ACOXL: variants seen among roughly 807,000 people sequenced by gnomAD.
ACOXL encodes the protein acyl-coenzyme A oxidase-like protein.
In ACOXL, 70 loss-of-function variants were observed where a neutral mutation model predicts 71.9. That is an observed-to-expected ratio of 0.97 (90% CI 0.80 to 1.19). The LOEUF is 1.19. Among genes scored for constraint, ACOXL ranks in the 50% most tolerant of loss-of-function variants. The probability of loss-of-function intolerance (pLI) is 0.00; values close to 1 mark genes in which losing one functional copy is unlikely to be tolerated. For synonymous variants in ACOXL, 253 were observed against 281.6 expected, an observed-to-expected ratio of 0.90 and a Z score of 1.02; for missense variants, 703 against 736.3, an observed-to-expected ratio of 0.95 and a Z score of 0.52.
chr2:111,000,863 C>T (rs2063592296), intron 14 of ACOXL, among the ~76,000 whole-genome samples: 1 of 152,188 alleles, frequency 6.6e-6, no homozygotes, highest in African/African-American at 2.4e-5. Context: ...AATAAGGTCA[C>T]ATTCACAGGT....
intron 3 of ACOXL, among the ~76,000 whole-genome samples, chr2:110,788,112 A>G (rs1412188412): frequency 1.3e-5 from 2 of 152,238 alleles, no homozygotes; most frequent in African/African-American, 2.4e-5. Flanking sequence ...AAATTACCAT[A>G]CAGCCCAGCA....
intron 12 of ACOXL, among the ~76,000 whole-genome samples, chr2:110,982,951 T>G (rs1255075501): frequency 2.6e-5 from 4 of 152,186 alleles, no homozygotes; most frequent in Admixed American, 2.6e-4. Flanking sequence ...GGGCCTGCAT[T>G]TTCATTTTGC....
At chr2:110,938,465 A>G (rs1473752504) in intron 12 of ACOXL, among the ~76,000 whole-genome samples, 1 of 152,252 alleles carries the variant, frequency 6.6e-6, no homozygotes, top group Non-Finnish European at 1.5e-5. Flanking sequence ...TGCTTGGCAC[A>G]TATGGACACT....
At chr2:110,801,813 C>A in intron 8 of ACOXL, 89 bp downstream of exon 8, 1 of 1,074,028 alleles carries the variant, frequency 9.3e-7, no homozygotes, top group Non-Finnish European at 1.4e-6. Flanking sequence ...TCATGGGCTG[C>A]ATGTCTGGGC....
chr2:110,767,568 C>T (rs1405708401), intron 1 of ACOXL, among the ~76,000 whole-genome samples: 1 of 152,164 alleles, frequency 6.6e-6, no homozygotes, highest in East Asian at 1.9e-4. Flanking sequence ...AGATGAGCAG[C>T]CTCATGGTGA....
chr2:110,767,799 G>C (rs1191993347), intron 1 of ACOXL, among the ~76,000 whole-genome samples: 1 of 152,104 alleles, frequency 6.6e-6, no homozygotes, highest in African/African-American at 2.4e-5. Flanking sequence ...TTTTAAGATG[G>C]TCTTGGCCGG....
intron 7 of ACOXL, among the ~76,000 whole-genome samples, chr2:110,800,240 G>A (rs1685808083): frequency 6.6e-6 from 1 of 152,156 alleles, no homozygotes; most frequent in East Asian, 1.9e-4. Context: ...GCAAGACCAC[G>A]AATCCACCAG....
intron 17 of ACOXL, among the ~76,000 whole-genome samples, chr2:111,109,729 A>G (rs1468370563): frequency 8.5e-6 from 1 of 118,118 alleles, no homozygotes; most frequent in Non-Finnish European, 1.6e-5. Flanking sequence ...CCCAGGCTGG[A>G]GTGCAGTGGC....
chr2:111,060,762 A>G (rs191026205), intron 16 of ACOXL, among the ~76,000 whole-genome samples: 64 of 152,378 alleles, frequency 4.2e-4, no homozygotes, highest in African/African-American at 1.3e-3. Context: ...AATAGTGAAC[A>G]TACTTGAAAC....
At chr2:110,946,483 G>A (rs1668975579) in intron 12 of ACOXL, among the ~76,000 whole-genome samples, 1 of 152,112 alleles carries the variant, frequency 6.6e-6, no homozygotes, top group South Asian at 2.1e-4. Flanking sequence ...AATGGTTTCA[G>A]CTTTTGCCCA....
intron 12 of ACOXL, among the ~76,000 whole-genome samples, chr2:110,952,382 A>AT (rs150826828): frequency 2.0e-5 from 3 of 151,812 alleles, no homozygotes; most frequent in South Asian, 4.2e-4. Flanking sequence ...TATTTTGTAT[A>AT]TTTTTTCAAA....
intron 14 of ACOXL, among the ~76,000 whole-genome samples, chr2:110,998,294 A>G (rs1164582841): frequency 6.6e-6 from 1 of 152,262 alleles, no homozygotes; most frequent in African/African-American, 2.4e-5. Context: ...GAAAGCTAAC[A>G]TAACTACTGA....
chr2:110,975,412 G>T (rs1044241443), intron 12 of ACOXL, among the ~76,000 whole-genome samples: 1 of 109,374 alleles, frequency 9.1e-6, no homozygotes, highest in African/African-American at 3.9e-5. Context: ...ATATGTTTGT[G>T]TGAGTGTGTG....
Position 111,117,730 on chromosome 2 carries a change from G to C in ACOXL, c.1657G>C (p.Ala553Pro). Residue 553 changes from alanine to proline, a missense_variant, in exon 18 of 18, where the codon GCG (alanine) becomes CCG (proline). By Grantham distance (27) the Ala-to-Pro change is conservative. Transcript: ENST00000439055. ...CGCCGGAATCTCCAACCCGCGGGCC[G>C]CGTGGGCTTTCTACCCTGCACCGCT... is the stretch of plus-strand genomic sequence containing the variant. Reference protein sequence around the residue: ...PIAGISNPRAAWAFYPAPLQP... With the variant: ...PIAGISNPRAPWAFYPAPLQP... 1 of 1,551,662 alleles carries C rather than the reference G, an allele frequency of 6.4e-7. No homozygotes were observed. Among genetic ancestry groups the C allele is most frequent in the Non-Finnish European group, 8.7e-7 (1 of 1,146,996 alleles).
intron 17 of ACOXL, among the ~76,000 whole-genome samples, chr2:111,095,744 T>A (rs2068769250): frequency 6.6e-6 from 1 of 152,150 alleles, no homozygotes; most frequent in African/African-American, 2.4e-5. Flanking sequence ...ACTTATTGGA[T>A]CCTCTTAACA....
chr2:111,027,854 G>A (rs1482259242), intron 14 of ACOXL, among the ~76,000 whole-genome samples: 1 of 152,020 alleles, frequency 6.6e-6, no homozygotes, highest in Non-Finnish European at 1.5e-5. Context: ...ATGTCACCTT[G>A]GTTCTCCTGT....
chr2:110,812,816 G>A (rs936551717), intron 9 of ACOXL, among the ~76,000 whole-genome samples: 9 of 152,194 alleles, frequency 5.9e-5, no homozygotes, highest in African/African-American at 1.7e-4. Context: ...ACTGTGAATC[G>A]TGCTAGGAGG....
intron 17 of ACOXL, chr2:111,101,053 C>T (rs2069121681): frequency 1.3e-5 from 2 of 152,642 alleles, no homozygotes; most frequent in Admixed American, 1.3e-4. Flanking sequence ...CCAATGGCAT[C>T]TTGCTTTATT....
intron 12 of ACOXL, among the ~76,000 whole-genome samples, chr2:110,973,254 T>G (rs1158425844): frequency 6.6e-6 from 1 of 152,214 alleles, no homozygotes; most frequent in Non-Finnish European, 1.5e-5. Context: ...GTATTTTTAT[T>G]ACTTTCTGGA....
Sources: gnomAD v4.1 joint callset for allele counts (sites outside exome capture counted in the v4.1 genomes callset) on GRCh38, gnomAD v4.1.1 for gene constraint, MANE v1.5 for transcripts, NCBI Gene and HGNC (gene_info 2026-07-23, HGNC 2026-07-21) for gene names.